PALM2AKAP2: variants seen among roughly 807,000 people sequenced by gnomAD.
PALM2AKAP2 encodes the protein PALM2 and AKAP2 fusion.
In PALM2AKAP2, 37 loss-of-function variants were observed where a neutral mutation model predicts 71.5. That is an observed-to-expected ratio of 0.52 (90% CI 0.40 to 0.68). The LOEUF is 0.68. PALM2AKAP2 is among the 30% of genes least tolerant of loss of function. The probability of loss-of-function intolerance (pLI) is 0.00; values close to 1 mark genes in which losing one functional copy is unlikely to be tolerated. For synonymous variants in PALM2AKAP2, 468 were observed against 478.8 expected, an observed-to-expected ratio of 0.98 and a Z score of 0.29; for missense variants, 1,224 against 1,191.8, an observed-to-expected ratio of 1.03 and a Z score of -0.40.
At chr9:109,800,418 C>T (rs1007690779) in intron 1 of PALM2AKAP2, among the ~76,000 whole-genome samples, 3 of 152,206 alleles carry the variant, frequency 2.0e-5, no homozygotes, top group South Asian at 4.1e-4. Context: ...GGAGGTTTAA[C>T]GTTAGCCCAA....
At chr9:109,757,321 T>A (rs1478645804) in intron 1 of PALM2AKAP2, among the ~76,000 whole-genome samples, 1 of 152,154 alleles carries the variant, frequency 6.6e-6, no homozygotes, top group Non-Finnish European at 1.5e-5. Flanking sequence ...TTTGTAAGAA[T>A]CCCATACTGT....
intron 1 of PALM2AKAP2, among the ~76,000 whole-genome samples, chr9:110,079,731 T>C (rs1400737697): frequency 6.6e-6 from 1 of 152,192 alleles, no homozygotes; most frequent in Non-Finnish European, 1.5e-5. Context: ...TGATTCTATG[T>C]ATCTGTCTTT....
chr9:110,113,027 T>C (rs1835284526), intron 1 of PALM2AKAP2, among the ~76,000 whole-genome samples: 1 of 152,206 alleles, frequency 6.6e-6, no homozygotes, highest in Non-Finnish European at 1.5e-5. Flanking sequence ...CAGGGTACAT[T>C]ACCATTGCCA....
intron 1 of PALM2AKAP2, among the ~76,000 whole-genome samples, chr9:109,674,849 G>C (rs1827626412): frequency 6.6e-6 from 1 of 151,932 alleles, no homozygotes; most frequent in African/African-American, 2.4e-5. Flanking sequence ...AATATAGATA[G>C]TCCCTGACTG....
At chr9:110,011,014 A>AAAAATATATATAT (rs35212981) in intron 6 of PALM2AKAP2, among the ~76,000 whole-genome samples, 21 of 69,586 alleles carry the variant, frequency 3.0e-4, no homozygotes, top group African/African-American at 1.5e-3. Context: ...AAAAAAAAAA[A>AAAAATATATATAT]ATATATATAT....
intron 1 of PALM2AKAP2, among the ~76,000 whole-genome samples, chr9:109,820,160 T>C (rs1443248527): frequency 1.3e-5 from 2 of 152,212 alleles, no homozygotes; most frequent in Admixed American, 6.5e-5. Context: ...CATATATTAC[T>C]TATATAATTA....
intron 2 of PALM2AKAP2, among the ~76,000 whole-genome samples, chr9:109,869,664 TCCATCCATCCAATCAA>T (rs1272887456): frequency 6.6e-6 from 1 of 151,792 alleles, no homozygotes; most frequent in Non-Finnish European, 1.5e-5. Flanking sequence ...CATCCATCCA[TCCATCCATCCAATCAA>T]CAGAAACAAC....
intron 6 of PALM2AKAP2, among the ~76,000 whole-genome samples, chr9:110,012,987 A>T (rs1448341438): frequency 6.6e-6 from 1 of 152,246 alleles, no homozygotes; most frequent in East Asian, 1.9e-4. Flanking sequence ...TGTATCTATT[A>T]GCTATTGTTA....
chr9:110,105,504 C>T lies in PALM2AKAP2; in HGVS notation c.157-30623C>T, dbSNP rs1399821485. ...TTTTAAAGGACTCCCATTACTTATC[C>T]AACATGTGCACGCATACTGTATATA... is the stretch of plus-strand genomic sequence containing the variant. On this transcript the variant is annotated intron_variant, in intron 1 of 3. Coordinates refer to ENST00000374525, the Ensembl canonical transcript of PALM2AKAP2. Among the ~76,000 whole-genome samples the T allele has an allele frequency of 2.0e-5, 3 of 152,254 alleles. No homozygotes were observed. The East Asian group carries it at 5.8e-4, about 29-fold the overall frequency.
At chr9:109,940,444 A>G (rs73539445) in intron 6 of PALM2AKAP2, among the ~76,000 whole-genome samples, 8,748 of 152,302 alleles carry the variant, frequency 0.057, 306 homozygotes, top group Non-Finnish European at 0.07. Context: ...GTAGAAACTC[A>G]AAACAAAGAC....
rs113642782 is a variant in PALM2AKAP2, at chr9:110,166,810, A to G, written c.2749-1589A>G. On this transcript the variant is annotated intron_variant, in intron 3 of 3. Coordinates refer to ENST00000374525, the Ensembl canonical transcript of PALM2AKAP2. ...GACCCCCGATCTCCCATCTACCCAC[A>G]ATCTGCTTATGTCTGGGCTCCCACC... Among the ~76,000 whole-genome samples, 37 of 152,280 alleles carry G rather than the reference A, an allele frequency of 2.4e-4. 1 individual carries two copies. Among genetic ancestry groups the G allele is most frequent in the African/African-American group, 8.7e-4 (36 of 41,554 alleles).
chr9:109,650,606 A>G (rs1022044619), intron 1 of PALM2AKAP2, among the ~76,000 whole-genome samples: 2 of 152,110 alleles, frequency 1.3e-5, no homozygotes, highest in Non-Finnish European at 2.9e-5. Flanking sequence ...TTTCATTTTT[A>G]TTAGAGATAG....
At chr9:110,043,044 G>A (rs1193502507) in intron 7 of PALM2AKAP2, among the ~76,000 whole-genome samples, 1 of 151,938 alleles carries the variant, frequency 6.6e-6, no homozygotes, top group Non-Finnish European at 1.5e-5. Flanking sequence ...CTACTCCTCT[G>A]CCTCCCTGCT....
intron 1 of PALM2AKAP2, among the ~76,000 whole-genome samples, chr9:109,683,338 A>G (rs890401639): frequency 2.6e-5 from 4 of 152,160 alleles, no homozygotes; most frequent in African/African-American, 7.2e-5. Flanking sequence ...ATCCAATGTC[A>G]GATATCCTTA....
At chr9:110,101,931 A>T (rs1835010567) in intron 1 of PALM2AKAP2, among the ~76,000 whole-genome samples, 1 of 152,172 alleles carries the variant, frequency 6.6e-6, no homozygotes, top group Non-Finnish European at 1.5e-5. Context: ...TCCTGCCACC[A>T]CCAATGCGTC....
intron 3 of PALM2AKAP2, among the ~76,000 whole-genome samples, chr9:109,908,808 GCACACACACACACA>G (rs59715039): frequency 2.0e-5 from 3 of 150,116 alleles, no homozygotes; most frequent in Admixed American, 6.6e-5. Context: ...GGATGCGTGT[GCACACACACACACA>G]CACACACACA....
chr9:109,647,600 C>T (rs1176900899), intron 1 of PALM2AKAP2, among the ~76,000 whole-genome samples: 1 of 152,172 alleles, frequency 6.6e-6, no homozygotes, highest in Non-Finnish European at 1.5e-5. Context: ...TCCTTGACAA[C>T]CCTAGCCACA....
At chr9:109,772,255 G>T (rs967868212) in intron 1 of PALM2AKAP2, among the ~76,000 whole-genome samples, 1 of 152,176 alleles carries the variant, frequency 6.6e-6, no homozygotes, top group East Asian at 1.9e-4. Flanking sequence ...CTCTGGAGTG[G>T]CTACCTTCCA....
chr9:110,018,487 T>A (rs1361043200), intron 7 of PALM2AKAP2, among the ~76,000 whole-genome samples: 1 of 151,996 alleles, frequency 6.6e-6, no homozygotes, highest in African/African-American at 2.4e-5. Context: ...TGTGCCACCA[T>A]GCCTGGCTAA....
Sources: gnomAD v4.1 joint callset for allele counts (sites outside exome capture counted in the v4.1 genomes callset) on GRCh38, gnomAD v4.1.1 for gene constraint, MANE v1.5 for transcripts, NCBI Gene and HGNC (gene_info 2026-07-23, HGNC 2026-07-21) for gene names.